PDE1A: variants seen among roughly 807,000 people sequenced by gnomAD.
The protein encoded by PDE1A is dual specificity calcium/calmodulin-dependent 3',5'-cyclic nucleotide phosphodiesterase 1A.
In PDE1A, 35 loss-of-function variants were observed where a neutral mutation model predicts 61.7. That is an observed-to-expected ratio of 0.57 (90% CI 0.43 to 0.75). PDE1A has a LOEUF of 0.75. Ranked by LOEUF, PDE1A falls within the 30% of genes least tolerant of loss-of-function variation. PDE1A has a pLI of 0.00. For missense variants in PDE1A, 597 were observed against 630.6 expected, an observed-to-expected ratio of 0.95 and a Z score of 0.57; for synonymous variants, 232 against 213.2, an observed-to-expected ratio of 1.09 and a Z score of -0.77.
intron 1 of PDE1A, among the ~76,000 whole-genome samples, chr2:182,411,142 G>A (rs1171389280): frequency 6.6e-6 from 1 of 152,160 alleles, no homozygotes; most frequent in Non-Finnish European, 1.5e-5. Flanking sequence ...ACTTTAAGTG[G>A]TTCCAAGGAT....
At position 182,265,888 on chromosome 2, in the gene PDE1A, T is replaced by G. The variant is rs146023530; in HGVS notation, c.54-1474A>C. ...TATTCAGAGGTATTGCAAAAGAGAG[T>G]AGATTGCGGCTACTTTTAGGCACTC... On this transcript the variant is annotated intron_variant, in intron 1 of 13. Coordinates refer to ENST00000351439, the Ensembl canonical transcript of PDE1A. 1.1e-3 allele frequency among the ~76,000 whole-genome samples: 167 copies of G among 152,216 alleles called. 3 individuals carry two copies. The highest frequency in any genetic ancestry group is 5.6e-4 in the Non-Finnish European group (38 of 68,002).
At chr2:182,357,026 T>C (rs1329016626) in intron 1 of PDE1A, among the ~76,000 whole-genome samples, 1 of 151,784 alleles carries the variant, frequency 6.6e-6, no homozygotes, top group Non-Finnish European at 1.5e-5. Flanking sequence ...CACCGGGACC[T>C]GTTGTGGGGT....
At chr2:182,651,140 G>T in the PDE1A span, among the ~76,000 whole-genome samples, 1 of 152,208 alleles carries the variant, frequency 6.6e-6, no homozygotes, top group South Asian at 2.1e-4. Flanking sequence ...CTGAGTAGCT[G>T]GGATTACAGG....
At chr2:182,630,352 G>T in the PDE1A span, among the ~76,000 whole-genome samples, 2 of 152,028 alleles carry the variant, frequency 1.3e-5, no homozygotes, top group African/African-American at 4.8e-5. Context: ...ACCATATGTT[G>T]CAGGAAACCG....
chr2:182,667,053 G>C, the PDE1A span, among the ~76,000 whole-genome samples: 1 of 152,254 alleles, frequency 6.6e-6, no homozygotes, highest in East Asian at 1.9e-4. Flanking sequence ...GCCTCCCCTT[G>C]AATCAGGGGG....
At chr2:182,392,325 G>A (rs1179497193) in intron 1 of PDE1A, among the ~76,000 whole-genome samples, 2 of 152,170 alleles carry the variant, frequency 1.3e-5, no homozygotes, top group African/African-American at 2.4e-5. Flanking sequence ...CAGATCTCAT[G>A]AGACTTATTC....
At chr2:182,478,114 G>A (rs1687486284) in intron 2 of PDE1A, among the ~76,000 whole-genome samples, 2 of 151,830 alleles carry the variant, frequency 1.3e-5, no homozygotes, top group South Asian at 2.1e-4. Context: ...ACGTGAAAAC[G>A]ATCCATTGCT....
chr2:182,453,320 C>T (rs571880097), intron 2 of PDE1A, among the ~76,000 whole-genome samples: 13 of 151,964 alleles, frequency 8.6e-5, no homozygotes, highest in African/African-American at 2.9e-4. Flanking sequence ...TTGATGCAGG[C>T]CATTTTTTTT....
chr2:182,389,646 T>C (rs1398056588), intron 1 of PDE1A, among the ~76,000 whole-genome samples: 1 of 152,124 alleles, frequency 6.6e-6, no homozygotes, highest in East Asian at 1.9e-4. Context: ...AGTGTGATGG[T>C]TAATAGTGTC....
intron 2 of PDE1A, among the ~76,000 whole-genome samples, chr2:182,491,039 GT>G (rs1364225125): frequency 6.6e-6 from 1 of 152,180 alleles, no homozygotes; most frequent in Admixed American, 6.5e-5. Context: ...TTATATTTAG[GT>G]TGATGGGAAC....
chr2:182,260,653 T>C (rs1013463093), intron 2 of PDE1A, among the ~76,000 whole-genome samples: 1 of 152,182 alleles, frequency 6.6e-6, no homozygotes, highest in African/African-American at 2.4e-5. Context: ...ATTTGTAGCA[T>C]GTTATTTTTC....
intron 2 of PDE1A, chr2:182,463,608 T>C (rs1305481654): frequency 6.6e-6 from 1 of 152,214 alleles, no homozygotes; most frequent in African/African-American, 2.4e-5. Flanking sequence ...TTTTATTTTC[T>C]TCTGTCAAGA....
intron 8 of PDE1A, among the ~76,000 whole-genome samples, chr2:182,204,885 T>G (rs990247170): frequency 6.6e-6 from 1 of 152,204 alleles, no homozygotes; most frequent in Non-Finnish European, 1.5e-5. Context: ...CAGCATTTTC[T>G]AGAGTTGCAA....
At chr2:182,516,596 T>C (rs1690163401) in intron 2 of PDE1A, among the ~76,000 whole-genome samples, 1 of 149,584 alleles carries the variant, frequency 6.7e-6, no homozygotes. Flanking sequence ...AAGGCTGCAG[T>C]GAGCAGAGAT....
At chr2:182,155,084 C>A (rs1419634598) in intron 13 of PDE1A, among the ~76,000 whole-genome samples, 2 of 111,502 alleles carry the variant, frequency 1.8e-5, no homozygotes, top group Non-Finnish European at 3.4e-5. Flanking sequence ...TTTAATTCTG[C>A]TTTTTTTTTT....
intron 2 of PDE1A, among the ~76,000 whole-genome samples, chr2:182,510,774 A>T (rs149928966): frequency 6.6e-6 from 1 of 152,300 alleles, no homozygotes; most frequent in East Asian, 1.9e-4. Context: ...CAATTCTTCT[A>T]TCAGTGAAAC....
intron 1 of PDE1A, among the ~76,000 whole-genome samples, chr2:182,363,207 C>T (rs865775241): frequency 6.6e-6 from 1 of 152,016 alleles, no homozygotes; most frequent in East Asian, 1.9e-4. Flanking sequence ...TACCCCTGAA[C>T]CTGAACTTAA....
chr2:182,202,507 C>T (rs952514347), intron 8 of PDE1A, among the ~76,000 whole-genome samples: 1 of 152,078 alleles, frequency 6.6e-6, no homozygotes. Context: ...ATTAATATTT[C>T]CCCCCAAAGG....
chr2:182,399,719 T>A (rs1701896469), intron 1 of PDE1A, among the ~76,000 whole-genome samples: 1 of 152,088 alleles, frequency 6.6e-6, no homozygotes, highest in East Asian at 1.9e-4. Context: ...AATACTAACA[T>A]ATTTGGGGAG....
Sources: gnomAD v4.1 joint callset for allele counts (sites outside exome capture counted in the v4.1 genomes callset) on GRCh38, gnomAD v4.1.1 for gene constraint, MANE v1.5 for transcripts, NCBI Gene and HGNC (gene_info 2026-07-23, HGNC 2026-07-21) for gene names.